The following TFAP2D variants were observed in gnomAD, a reference collection of about 807,000 sequenced individuals.
TFAP2D encodes the protein transcription factor AP-2-delta.
Under a neutral mutation model 43.6 loss-of-function variants are expected in TFAP2D, and 9 were observed. The observed-to-expected ratio is 0.21, with a 90% CI of 0.12 to 0.36. The LOEUF is 0.36. Among genes scored for constraint, TFAP2D ranks in the 10% least tolerant of loss-of-function variants. The pLI is 1.00. For synonymous variants in TFAP2D, 256 were observed against 224.9 expected (o/e 1.14, Z -1.24); for missense variants, 513 against 561.4 (o/e 0.91, Z 0.87).
rs773433929 is a variant in TFAP2D, at chr6:50,715,500, C to T, written c.424C>T (p.Arg142Cys). 1.9e-6 allele frequency: 3 copies of T among 1,613,592 alleles called. No individual in the cohort carries two copies. Among genetic ancestry groups the T allele is most frequent in the Middle Eastern group, 1.6e-4 (1 of 6,062 alleles). ...RELGCLDAYR[R>C]HDLSLMSHGS... ...GCTGGGCTGCCTCGATGCCTACCGC[C>T]GCCATGACCTGTCCCTCATGAGCCA... The change falls in exon 2 of 8, where the codon CGC (arginine) becomes TGC (cysteine). Residue 142 changes from arginine to cysteine, a missense_variant. By Grantham distance (180) the Arg-to-Cys change is radical. Transcript: ENST00000008391.
chr6:50,773,016 C>T lies in TFAP2D; in HGVS notation c.*152C>T. The stretch of plus-strand genomic sequence containing the variant: ...ACAAAAATGGAAATGAAAAATGAAA[C>T]AAAAAAGGACAAAACCAAAAAAAAA... On this transcript the variant is annotated 3_prime_UTR_variant, in exon 8 of 8. Coordinates refer to ENST00000008391, the MANE Select transcript of TFAP2D (RefSeq NM_172238.4). 1.8e-6 allele frequency: 1 copy of T among 557,598 alleles called. No homozygotes were observed. Among genetic ancestry groups the T allele is most frequent in the Non-Finnish European group, 2.8e-6 (1 of 363,490 alleles). 34.5% of individuals were successfully genotyped at this position (557,598 alleles called of 1,614,324 possible).
At chr6:50,722,886 A>C (rs185922445) in intron 3 of TFAP2D, among the ~76,000 whole-genome samples, 56 of 152,292 alleles carry the variant, frequency 3.7e-4, no homozygotes, top group Admixed American at 3.6e-3. Flanking sequence ...TCGCTTTGTG[A>C]TCATTCTGCC....
intron 2 of TFAP2D, among the ~76,000 whole-genome samples, chr6:50,716,571 A>G (rs1201583331): frequency 6.6e-6 from 1 of 152,196 alleles, no homozygotes; most frequent in Non-Finnish European, 1.5e-5. Flanking sequence ...ATTTCTTAAC[A>G]CGTGTTTGCA....
intron 7 of TFAP2D, among the ~76,000 whole-genome samples, chr6:50,770,409 TG>T (rs1056168552): frequency 3.6e-5 from 5 of 140,374 alleles, no homozygotes; most frequent in African/African-American, 1.3e-4. Flanking sequence ...TAATCAGAGA[TG>T]GGAATTTTTT....
chr6:50,735,361 G>T (rs2235497), intron 5 of TFAP2D, among the ~76,000 whole-genome samples: 1 of 151,754 alleles, frequency 6.6e-6, no homozygotes. Context: ...GATAGAAAAA[G>T]GGTTACCAAT....
rs544176770 is a variant in TFAP2D, at chr6:50,729,354, C to A, written c.883+42C>A. The A allele has an allele frequency of 3.4e-5, 52 of 1,543,698 alleles. No homozygotes were observed. The South Asian group carries it at 5.2e-4, about 15-fold the overall frequency. On this transcript the variant is annotated intron_variant, in intron 5 of 7. Coordinates refer to ENST00000008391, the MANE Select transcript of TFAP2D (RefSeq NM_172238.4). ...TAGCAAAATAATGCTGGAAGGTTGG[C>A]GTGTCTTTGAAACTCAGGTTTCTTA...
At chr6:50,731,961 T>C (rs1768901062) in intron 5 of TFAP2D, among the ~76,000 whole-genome samples, 1 of 152,074 alleles carries the variant, frequency 6.6e-6, no homozygotes, top group Admixed American at 6.6e-5. Flanking sequence ...TTTGGCAACT[T>C]GATCCAACAT....
chr6:50,726,176 G>A (rs1768804567), intron 3 of TFAP2D, among the ~76,000 whole-genome samples: 2 of 152,174 alleles, frequency 1.3e-5, no homozygotes, highest in Admixed American at 6.5e-5. Flanking sequence ...GGCTTCCCTG[G>A]GAGCAGCTGG....
intron 5 of TFAP2D, among the ~76,000 whole-genome samples, chr6:50,738,138 C>G (rs768863244): frequency 1.3e-5 from 2 of 152,022 alleles, no homozygotes; most frequent in African/African-American, 4.8e-5. Flanking sequence ...TAAAAAAACC[C>G]TCTATTATGA....
At chr6:50,717,323 C>G (rs1561930332) in intron 2 of TFAP2D, among the ~76,000 whole-genome samples, 1 of 152,162 alleles carries the variant, frequency 6.6e-6, no homozygotes, top group Non-Finnish European at 1.5e-5. Flanking sequence ...CAATGTCATC[C>G]GACCAAACAA....
rs1561933513 is a variant in TFAP2D at position 50,729,317 on chromosome 6, G to A, written c.883+5G>A. On this transcript the variant is annotated splice_donor_5th_base_variant and intron_variant, in intron 5 of 7. Coordinates refer to ENST00000008391, the MANE Select transcript of TFAP2D (RefSeq NM_172238.4). ...TCCTTACTTCCTTGGTTGAAGGTATGACTTTTCAGTTTAGCAAAATAATGC... is the reference window on the plus strand; with the variant it reads ...TCCTTACTTCCTTGGTTGAAGGTATAACTTTTCAGTTTAGCAAAATAATGC... The A allele has an allele frequency of 6.2e-7, 1 of 1,611,678 alleles. No individual in the cohort carries two copies. The highest frequency in any genetic ancestry group is 2.2e-5 in the East Asian group (1 of 44,858).
chr6:50,726,302 C>T (rs1768806743), intron 3 of TFAP2D, among the ~76,000 whole-genome samples: 1 of 152,112 alleles, frequency 6.6e-6, no homozygotes, highest in Non-Finnish European at 1.5e-5. Context: ...GTTTCTAATC[C>T]ACTGAAGATT....
At position 50,772,908 on chromosome 6, in the gene TFAP2D, AT is replaced by A. The variant is rs940938187; in HGVS notation, c.*50del. Reference sequence around the variant, plus strand: ...ATTTCCAGAGAGTCTTGCTGCTGATATTTTTTCTAATATATATATCATTGAG... The same window carrying A: ...ATTTCCAGAGAGTCTTGCTGCTGATATTTTTCTAATATATATATCATTGAG... On this transcript the variant is annotated 3_prime_UTR_variant, in exon 8 of 8. Transcript: ENST00000008391. 1 of 1,525,256 alleles carries A rather than the reference AT, an allele frequency of 6.6e-7. No individual in the cohort carries two copies. Among genetic ancestry groups the A allele is most frequent in the Non-Finnish European group, 8.9e-7 (1 of 1,123,222 alleles). The allele number at this position is 1,525,256 out of a possible 1,614,324, so 94.5% of individuals were successfully genotyped here. A position where few individuals can be genotyped will look rare whatever the true frequency, so the allele number is the denominator to read the frequency against.
At chr6:50,719,253 G>A (rs138810654) in intron 3 of TFAP2D, 103 bp downstream of exon 3, 160 of 1,206,178 alleles carry the variant, frequency 1.3e-4, no homozygotes, top group Non-Finnish European at 1.9e-4. Context: ...TGATGATTAA[G>A]AAAACAATTA....
intron 2 of TFAP2D, among the ~76,000 whole-genome samples, chr6:50,716,841 G>C (rs1428948499): frequency 3.3e-5 from 5 of 152,004 alleles, no homozygotes; most frequent in African/African-American, 1.2e-4. Flanking sequence ...CCCTTGTTGC[G>C]CACAAAAAAT....
At chr6:50,715,637 G>C in intron 2 of TFAP2D, 24 bp downstream of exon 2, 1 of 1,568,642 alleles carries the variant, frequency 6.4e-7, no homozygotes, top group Non-Finnish European at 8.6e-7. Context: ...CAGCGAATTT[G>C]TCTGCTCCCT....
intron 7 of TFAP2D, among the ~76,000 whole-genome samples, chr6:50,757,724 T>A (rs6922917): frequency 1.1e-4 from 10 of 88,702 alleles, no homozygotes; most frequent in Non-Finnish European, 2.0e-4. Flanking sequence ...ATATATATAA[T>A]TATTCTATAT....
intron 3 of TFAP2D, among the ~76,000 whole-genome samples, chr6:50,721,194 C>A (rs771680340): frequency 6.6e-6 from 1 of 152,166 alleles, no homozygotes; most frequent in African/African-American, 2.4e-5. Context: ...TAAAAATCAT[C>A]GTCGAATCTG....
intron 7 of TFAP2D, 141 bp downstream of exon 7, chr6:50,751,465 C>G: frequency 1.8e-6 from 1 of 560,162 alleles, no homozygotes; most frequent in Non-Finnish European, 3.2e-6. Flanking sequence ...AACAAAATAC[C>G]TTAGACTGGG....
Sources: allele counts gnomAD v4.1 joint callset (sites outside exome capture counted in the v4.1 genomes callset), GRCh38; gene constraint gnomAD v4.1.1; transcripts MANE v1.5; gene names NCBI Gene and HGNC (gene_info 2026-07-23, HGNC 2026-07-21).